The following RAB11FIP1 variants were observed in gnomAD, a reference collection of about 807,000 sequenced individuals.
RAB11FIP1 encodes rab11 family-interacting protein 1.
Under a neutral mutation model 83.1 loss-of-function variants are expected in RAB11FIP1, and 49 were observed. That is an observed-to-expected ratio of 0.59 (90% CI 0.47 to 0.75). RAB11FIP1 has a LOEUF of 0.75. RAB11FIP1 is among the 30% of genes least tolerant of loss of function. The pLI is 0.00. For synonymous variants in RAB11FIP1, 670 were observed against 656.0 expected (o/e 1.02, Z -0.33); for missense variants, 1,536 against 1,598.7 (o/e 0.96, Z 0.67).
intron 1 of RAB11FIP1, among the ~76,000 whole-genome samples, chr8:37,889,205 A>G (rs1333973012): frequency 6.6e-6 from 1 of 152,204 alleles, no homozygotes; most frequent in Non-Finnish European, 1.5e-5. Flanking sequence ...ACTCTCAGAA[A>G]TAGGCCAAGA....
intron 1 of RAB11FIP1, among the ~76,000 whole-genome samples, chr8:37,889,693 T>C (rs1426479964): frequency 6.6e-6 from 1 of 152,242 alleles, no homozygotes; most frequent in East Asian, 1.9e-4. Context: ...ACTCCCATAC[T>C]TCTTGCCATG....
At position 37,899,062 on chromosome 8, in the gene RAB11FIP1, C is replaced by A; in HGVS notation, c.371+9G>T. On this transcript the variant is annotated intron_variant, in intron 1 of 5. Transcript: ENST00000330843. The surrounding 1 kb of genome is among the most constrained non-coding windows in gnomAD (Gnocchi z 4.5). ...CAGGCCGGGCCCTCCCCTCCCCGCC[C>A]GCACTCACTGCGTCTTCCTGCGGCC... 1 of 1,481,978 alleles carries A rather than the reference C, an allele frequency of 6.7e-7. No individual in the cohort carries two copies. The highest frequency in any genetic ancestry group is 8.9e-7 in the Non-Finnish European group (1 of 1,124,846). 91.8% of individuals were successfully genotyped at this position (1,481,978 alleles called of 1,614,324 possible).
In RAB11FIP1 at chr8:37,859,572, T is replaced by G. The variant is rs953565835; in HGVS notation, c.*3323A>C. On this transcript the variant is annotated 3_prime_UTR_variant, in exon 6 of 6. Transcript: ENST00000330843. Reference sequence around the variant, plus strand: ...ATGAGGTGAACACACTGGAATAAGATGGAGGGCAGGATACCTGCCAAAGCC... The same window carrying G: ...ATGAGGTGAACACACTGGAATAAGAGGGAGGGCAGGATACCTGCCAAAGCC... 1 of 152,272 alleles carries G rather than the reference T, an allele frequency of 6.6e-6. No homozygotes were observed. Among genetic ancestry groups the G allele is most frequent in the African/African-American group, 2.4e-5 (1 of 41,464 alleles). 9.4% of individuals were successfully genotyped at this position (152,272 alleles called of 1,614,324 possible).
In RAB11FIP1 at chr8:37,872,512, C is replaced by T. The variant is rs1000932782; in HGVS notation, c.2290G>A (p.Ala764Thr). 26 of 1,614,186 alleles carry T rather than the reference C, an allele frequency of 1.6e-5. No individual in the cohort carries two copies. Among genetic ancestry groups the T allele is most frequent in the Non-Finnish European group, 2.2e-5 (26 of 1,180,024 alleles). ...GCCACTTCTTCAGCTGCATCCCTGG[C>T]TTTGCTCTCCACAAGAGACCCAGCC... is the stretch of plus-strand genomic sequence containing the variant. ...SQAGSLVESK[A>T]RDAAEEVAPP... is the part of the protein sequence containing the mutation. The change falls in exon 4 of 6, where the codon GCC (alanine) becomes ACC (threonine). Residue 764 changes from alanine to threonine, a missense_variant. Ala to Thr is a moderately conservative substitution (Grantham distance 58). Transcript: ENST00000330843.
chr8:37,869,589 C>T (rs1473216932), intron 5 of RAB11FIP1, among the ~76,000 whole-genome samples: 1 of 151,506 alleles, frequency 6.6e-6, no homozygotes, highest in Admixed American at 6.6e-5. Context: ...GAGACGCCAT[C>T]TCAAAAAAAA....
In RAB11FIP1 at chr8:37,899,037, C is replaced by A; in HGVS notation, c.371+34G>T. ...GCCCTGCCGGAGGGGTCCGCGCCCC[C>A]AGGCCGGGCCCTCCCCTCCCCGCCC... On this transcript the variant is annotated intron_variant, in intron 1 of 5. Coordinates refer to ENST00000330843, the MANE Select transcript of RAB11FIP1 (RefSeq NM_001002814.3). This position sits in a 1 kb window ranked among gnomAD's most constrained non-coding sequence, Gnocchi z 4.5. The A allele has an allele frequency of 8.4e-6, 12 of 1,436,808 alleles. No homozygotes were observed. Among genetic ancestry groups the A allele is most frequent in the Non-Finnish European group, 1.0e-5 (11 of 1,105,126 alleles). 89.0% of individuals were successfully genotyped at this position (1,436,808 alleles called of 1,614,324 possible).
chr8:37,871,431 G>A lies in RAB11FIP1; in HGVS notation c.3371C>T (p.Ala1124Val), dbSNP rs993045350. The A allele has an allele frequency of 9.3e-6, 15 of 1,613,764 alleles. No individual in the cohort carries two copies. The highest frequency in any genetic ancestry group is 4.0e-5 in the African/African-American group (3 of 74,884). Residue 1124 changes from alanine (A) to valine (V), a missense_variant, in exon 4 of 6, where the codon GCA (alanine) becomes GTA (valine). Ala to Val is a moderately conservative substitution (Grantham distance 64). Coordinates refer to ENST00000330843, the MANE Select transcript of RAB11FIP1 (RefSeq NM_001002814.3). ...TGCTGTGGCTTTTTTTTGAGATTCT[G>A]CTGTGCTGGTGTGGTGAGTGTCAGA... Reference protein sequence around the residue: ...AHSDTHHTSTAESQKKATAEG... With the variant: ...AHSDTHHTSTVESQKKATAEG...
intron 5 of RAB11FIP1, among the ~76,000 whole-genome samples, chr8:37,869,583 C>T (rs955299851): frequency 6.6e-6 from 1 of 151,792 alleles, no homozygotes; most frequent in African/African-American, 2.4e-5. Flanking sequence ...CAGAGTGAGA[C>T]GCCATCTCAA....
chr8:37,865,981 G>A (rs545145508), intron 5 of RAB11FIP1, among the ~76,000 whole-genome samples: 28 of 152,182 alleles, frequency 1.8e-4, no homozygotes, highest in African/African-American at 6.0e-4. Flanking sequence ...TAATTGAAAG[G>A]GAAAAAGGAT....
At chr8:37,893,482 T>C (rs150136546) in intron 1 of RAB11FIP1, among the ~76,000 whole-genome samples, 64 of 152,210 alleles carry the variant, frequency 4.2e-4, no homozygotes, top group African/African-American at 1.5e-3. Flanking sequence ...TTAAAAAATA[T>C]TGACTACAAG....
chr8:37,876,624 A>G (rs1421671189), intron 2 of RAB11FIP1, among the ~76,000 whole-genome samples: 1 of 151,580 alleles, frequency 6.6e-6, no homozygotes, highest in Admixed American at 6.6e-5. Flanking sequence ...AAAATATTTT[A>G]AAAAAAGAAA....
chr8:37,868,444 A>C (rs980152026), intron 5 of RAB11FIP1, among the ~76,000 whole-genome samples: 1 of 152,080 alleles, frequency 6.6e-6, no homozygotes, highest in Non-Finnish European at 1.5e-5. Flanking sequence ...AAAAGAAAAA[A>C]AACTATTCAA....
rs771857462 is a variant in RAB11FIP1 at position 37,877,502 on chromosome 8, C to T, written c.421G>A (p.Glu141Lys). 2 of 1,612,196 alleles carry T rather than the reference C, an allele frequency of 1.2e-6. No homozygotes were observed. The highest frequency in any genetic ancestry group is 1.7e-5 in the Admixed American group (1 of 59,986). The part of the protein sequence containing the change: ...KPGKKDKERG[E>K]IEVDIQFMRN... ...ATAAACTGGATGTCAACCTCAATTT[C>T]TCCTCGCTCCTTGTCCTTCTTTCCT... Residue 141 changes from glutamate to lysine, a missense_variant, in exon 2 of 6, where the codon GAA becomes AAA. By Grantham distance (56) the Glu-to-Lys change is moderately conservative (BLOSUM62 1). Coordinates refer to ENST00000330843, the MANE Select transcript of RAB11FIP1 (RefSeq NM_001002814.3).
chr8:37,861,434 T>C lies in RAB11FIP1; in HGVS notation c.*1461A>G, dbSNP rs2130116182. 1 of 360,494 alleles carries C rather than the reference T, an allele frequency of 2.8e-6. No individual in the cohort carries two copies. The highest frequency in any genetic ancestry group is 5.4e-6 in the Non-Finnish European group (1 of 186,064). The allele number at this position is 360,494 out of a possible 1,614,324, so 22.3% of individuals were successfully genotyped here. A position where few individuals can be genotyped will look rare whatever the true frequency, so the allele number is the denominator to read the frequency against. ...CCAGTATCCCACAAATAATTTGGGT[T>C]TCCTTTTGGGCAGGGAGAGAAAGTG... On this transcript the variant is annotated 3_prime_UTR_variant, in exon 6 of 6. Transcript: ENST00000330843.
chr8:37,891,548 G>A (rs756734631), intron 1 of RAB11FIP1, among the ~76,000 whole-genome samples: 1 of 152,068 alleles, frequency 6.6e-6, no homozygotes, highest in Non-Finnish European at 1.5e-5. Context: ...ACATTTTTTA[G>A]TTAATAACTA....
rs776906220 is a variant in RAB11FIP1 at position 37,872,852 on chromosome 8, A to T, written c.1950T>A (p.Ser650=). ...SLTPVPNSGS[S]ALGSLFKQPS... is the part of the protein sequence containing the mutation. ...GCTGTTTGAAAAGTGATCCCAGGGC[A>T]GAAGAACCAGAATTTGGAACCGGTG... Residue 650 remains serine (S), a synonymous_variant, in exon 4 of 6, where the codon TCT becomes TCA. Transcript: ENST00000330843. 1 of 1,614,214 alleles carries T rather than the reference A, an allele frequency of 6.2e-7. No individual in the cohort carries two copies. Among genetic ancestry groups the T allele is most frequent in the Non-Finnish European group, 8.5e-7 (1 of 1,180,040 alleles).
Position 37,861,675 on chromosome 8 carries a change from A to G in RAB11FIP1, c.*1220T>C, listed in dbSNP as rs774473467. On this transcript the variant is annotated 3_prime_UTR_variant, in exon 6 of 6. Transcript: ENST00000330843. Reference sequence around the variant, plus strand: ...ACGATCTTGGCTCGCTGCAGCCTCCATCTCCCAAGTTCAAGCAATTCTCCT... The same window carrying G: ...ACGATCTTGGCTCGCTGCAGCCTCCGTCTCCCAAGTTCAAGCAATTCTCCT... 2.5e-5 allele frequency: 10 copies of G among 405,760 alleles called. No homozygotes were observed. Among genetic ancestry groups the G allele is most frequent in the Admixed American group, 6.7e-5 (2 of 29,836 alleles). The allele number at this position is 405,760 out of a possible 1,614,324, so 25.1% of individuals were successfully genotyped here.
Position 37,899,083 on chromosome 8 carries a change from C to T in RAB11FIP1, c.359G>A (p.Arg120His). 6.6e-7 allele frequency: 1 copy of T among 1,507,906 alleles called. No homozygotes were observed. The highest frequency in any genetic ancestry group is 8.8e-7 in the Non-Finnish European group (1 of 1,137,602). The allele number at this position is 1,507,906 out of a possible 1,614,324, so 93.4% of individuals were successfully genotyped here. A position where few individuals can be genotyped will look rare whatever the true frequency, so the allele number is the denominator to read the frequency against. Reference protein sequence around the residue: ...DLRDLHRDQGRRKTQWYKLKS... With the variant: ...DLRDLHRDQGHRKTQWYKLKS... Reference sequence around the variant, plus strand: ...CGCCCGCACTCACTGCGTCTTCCTGCGGCCCTGGTCGCGGTGCAGATCCCG... The same window carrying T: ...CGCCCGCACTCACTGCGTCTTCCTGTGGCCCTGGTCGCGGTGCAGATCCCG... Residue 120 changes from arginine to histidine, a missense_variant, in exon 1 of 6, where the codon CGC becomes CAC. Coordinates refer to ENST00000330843, the MANE Select transcript of RAB11FIP1 (RefSeq NM_001002814.3). This position sits in a 1 kb window ranked among gnomAD's most constrained non-coding sequence, Gnocchi z 4.5.
chr8:37,877,611 A>G, intron 1 of RAB11FIP1, 60 bp from the exon 2 acceptor site: 1 of 1,116,852 alleles, frequency 9.0e-7, no homozygotes, highest in Non-Finnish European at 1.3e-6. Flanking sequence ...CAATGTTCAC[A>G]ATCCCCATGA....
Sources: allele counts gnomAD v4.1 joint callset (sites outside exome capture counted in the v4.1 genomes callset), GRCh38; gene constraint gnomAD v4.1.1; non-coding constraint Gnocchi (gnomAD v3.1); transcripts MANE v1.5; gene names NCBI Gene and HGNC (gene_info 2026-07-23, HGNC 2026-07-21).